Variants in ARHGAP26 observed in about 807,000 individuals in gnomAD.
ARHGAP26 encodes the protein Rho GTPase activating protein 26, also known as rho GTPase-activating protein 26.
A neutral mutation model predicts 104.8 loss-of-function variants in ARHGAP26; 38 were observed. That is an observed-to-expected ratio of 0.36 (90% CI 0.28 to 0.48). The LOEUF is 0.48. Ranked by LOEUF, ARHGAP26 falls within the 20% of genes least tolerant of loss-of-function variation. The pLI is 0.99. For synonymous variants in ARHGAP26, 341 were observed against 340.0 expected (o/e 1.00, Z -0.03); for missense variants, 704 against 947.9 (o/e 0.74, Z 3.38).
intron 17 of ARHGAP26, among the ~76,000 whole-genome samples, chr5:143,089,823 G>A (rs975218858): frequency 3.3e-5 from 5 of 152,268 alleles, no homozygotes; most frequent in African/African-American, 7.2e-5. Flanking sequence ...CTAAATAGAC[G>A]TAAGAGTTGA....
At chr5:142,829,544 C>T (rs879819436) in intron 1 of ARHGAP26, among the ~76,000 whole-genome samples, 2 of 152,214 alleles carry the variant, frequency 1.3e-5, no homozygotes, top group East Asian at 1.9e-4. Context: ...GAGGGCACCT[C>T]ACATCACCAT....
At chr5:143,006,280 G>C (rs955633301) in intron 11 of ARHGAP26, among the ~76,000 whole-genome samples, 1 of 149,118 alleles carries the variant, frequency 6.7e-6, no homozygotes, top group Non-Finnish European at 1.5e-5. Context: ...TCTGGCCAAT[G>C]CATTGTCCTC....
At chr5:142,925,682 A>G (rs1028514209) in intron 10 of ARHGAP26, among the ~76,000 whole-genome samples, 10 of 152,182 alleles carry the variant, frequency 6.6e-5, no homozygotes, top group African/African-American at 2.2e-4. Flanking sequence ...TCCATTCCTT[A>G]TCATTCCCCT....
chr5:142,952,746 A>G (rs866968144), intron 11 of ARHGAP26, among the ~76,000 whole-genome samples: 9 of 152,162 alleles, frequency 5.9e-5, no homozygotes, highest in South Asian at 2.1e-4. Context: ...GTCTCGCTCT[A>G]TCACCCAGGC....
intron 17 of ARHGAP26, among the ~76,000 whole-genome samples, chr5:143,068,018 C>G (rs967000833): frequency 2.0e-5 from 3 of 151,944 alleles, no homozygotes; most frequent in African/African-American, 7.3e-5. Flanking sequence ...ACAAAAATTA[C>G]CTGGGTGTGG....
intron 1 of ARHGAP26, among the ~76,000 whole-genome samples, chr5:142,820,805 G>A (rs1262735119): frequency 2.6e-5 from 4 of 152,172 alleles, no homozygotes; most frequent in East Asian, 1.9e-4. Context: ...GGCACATCAC[G>A]TATGCATTTT....
chr5:142,896,592 C>G (rs571628435), intron 6 of ARHGAP26, among the ~76,000 whole-genome samples: 119 of 152,300 alleles, frequency 7.8e-4, no homozygotes, highest in African/African-American at 2.7e-3. Flanking sequence ...TCTCCTCCCC[C>G]TCTTCCTTCC....
At chr5:142,907,550 T>G in intron 8 of ARHGAP26, 154 bp from the exon 9 acceptor site, 1 of 392,604 alleles carries the variant, frequency 2.5e-6, no homozygotes, top group Non-Finnish European at 4.7e-6. Context: ...TTCTGTCTAT[T>G]CATTCTAGCT....
At chr5:143,154,649 AG>A (rs912353020) in intron 20 of ARHGAP26, among the ~76,000 whole-genome samples, 19 of 152,254 alleles carry the variant, frequency 1.2e-4, no homozygotes, top group African/African-American at 4.6e-4. Flanking sequence ...AAGAGGAGGA[AG>A]GAACTTCTGC....
rs1281394829 is a variant in ARHGAP26, at chr5:143,105,328, A to G, written c.1539-15660A>G. On this transcript the variant is annotated intron_variant, in intron 17 of 22. Coordinates refer to ENST00000645722, the MANE Select transcript of ARHGAP26 (RefSeq NM_001135608.3). Reference sequence around the variant, plus strand: ...GGAGGCGGAGGTTGTGTGAGCCAAGATTGCGCCATTGCACTCCAGCCTGGG... The same window carrying G: ...GGAGGCGGAGGTTGTGTGAGCCAAGGTTGCGCCATTGCACTCCAGCCTGGG... Among the ~76,000 whole-genome samples, 11 of 152,118 alleles carry G rather than the reference A, an allele frequency of 7.2e-5. No homozygotes were observed. In the East Asian group the frequency reaches 1.7e-3, roughly 24 times the overall value.
intron 20 of ARHGAP26, among the ~76,000 whole-genome samples, chr5:143,177,133 G>A (rs1162489979): frequency 6.6e-6 from 1 of 152,152 alleles, no homozygotes. Context: ...GCTTCAATGT[G>A]CTGGTTTGGG....
intron 14 of ARHGAP26, among the ~76,000 whole-genome samples, chr5:143,049,964 T>C (rs1055446908): frequency 2.0e-5 from 3 of 152,198 alleles, no homozygotes; most frequent in African/African-American, 7.2e-5. Flanking sequence ...TGCTCTGTAG[T>C]CTGATTTCAT....
chr5:142,902,218 A>C (rs72799071), intron 7 of ARHGAP26, among the ~76,000 whole-genome samples, 179 bp downstream of exon 7: 1 of 151,930 alleles, frequency 6.6e-6, no homozygotes, highest in Non-Finnish European at 1.5e-5. Context: ...TCTGAGTTAG[A>C]CCATCATCCT....
chr5:142,977,293 T>C (rs1331484737), intron 11 of ARHGAP26, among the ~76,000 whole-genome samples: 1 of 152,184 alleles, frequency 6.6e-6, no homozygotes, highest in Non-Finnish European at 1.5e-5. Context: ...AACCCGCGGT[T>C]CTTCCTTGAG....
chr5:143,059,287 G>A (rs1390345009), intron 17 of ARHGAP26, among the ~76,000 whole-genome samples: 1 of 152,182 alleles, frequency 6.6e-6, no homozygotes, highest in Non-Finnish European at 1.5e-5. Context: ...CTGGAGAAGG[G>A]TTAGGAACCA....
intron 1 of ARHGAP26, among the ~76,000 whole-genome samples, chr5:142,825,224 C>T (rs1166305837): frequency 6.6e-6 from 1 of 152,228 alleles, no homozygotes; most frequent in African/African-American, 2.4e-5. Flanking sequence ...GTACCTAGCA[C>T]ACAGTACATG....
intron 1 of ARHGAP26, among the ~76,000 whole-genome samples, chr5:142,829,762 G>A (rs542420168): frequency 6.6e-6 from 1 of 152,318 alleles, no homozygotes; most frequent in African/African-American, 2.4e-5. Flanking sequence ...GTGTGCCCAG[G>A]TGTGTCTGGC....
At chr5:143,108,484 G>C (rs892204276) in intron 17 of ARHGAP26, among the ~76,000 whole-genome samples, 2 of 152,022 alleles carry the variant, frequency 1.3e-5, no homozygotes, top group African/African-American at 4.8e-5. Flanking sequence ...TAATCTAAAA[G>C]TACCGTGACA....
intron 20 of ARHGAP26, among the ~76,000 whole-genome samples, chr5:143,182,845 C>T (rs1160418042): frequency 6.6e-6 from 1 of 152,136 alleles, no homozygotes; most frequent in African/African-American, 2.4e-5. Context: ...TCCATAAATC[C>T]TGTCAAGAAA....
Sources: gnomAD v4.1 joint callset for allele counts (sites outside exome capture counted in the v4.1 genomes callset) on GRCh38, gnomAD v4.1.1 for gene constraint, MANE v1.5 for transcripts, NCBI Gene and HGNC (gene_info 2026-07-23, HGNC 2026-07-21) for gene names.